The following CAPN5 variants were observed in gnomAD, a reference collection of about 807,000 sequenced individuals.
CAPN5 encodes calpain-5.
Under a neutral mutation model 73.0 loss-of-function variants are expected in CAPN5, and 54 were observed. The observed-to-expected ratio is 0.74, with a 90% CI of 0.59 to 0.93. CAPN5 has a LOEUF of 0.93. Among genes scored for constraint, CAPN5 ranks in the 40% least tolerant of loss-of-function variants. The pLI, the probability that CAPN5 is intolerant of heterozygous loss-of-function variation, is 0.00. For missense variants in CAPN5, 785 were observed against 882.9 expected, an observed-to-expected ratio of 0.89 and a Z score of 1.41; for synonymous variants, 335 against 356.9, an observed-to-expected ratio of 0.94 and a Z score of 0.69.
chr11:77,067,946 C>T (rs1328940709), intron 1 of CAPN5, among the ~76,000 whole-genome samples: 2 of 152,012 alleles, frequency 1.3e-5, no homozygotes, highest in African/African-American at 4.8e-5. Context: ...AGAATTTGAA[C>T]CCGGGTCCGC....
At chr11:77,122,292 T>C (rs4945146) in intron 11 of CAPN5, among the ~76,000 whole-genome samples, 56,685 of 152,046 alleles carry the variant, frequency 0.37, 11,491 homozygotes, top group African/African-American at 0.52. Flanking sequence ...GGCCTTTTTC[T>C]AGGCTGAGAA....
intron 3 of CAPN5, among the ~76,000 whole-genome samples, chr11:77,098,859 G>A (rs1950248468): frequency 7.1e-6 from 1 of 140,500 alleles, no homozygotes; most frequent in Admixed American, 6.9e-5. Flanking sequence ...CGGACGGGGT[G>A]GCTGCTGGGC....
In CAPN5 at chr11:77,115,410, G is replaced by C; in HGVS notation, c.715G>C (p.Asp239His). The change falls in exon 6 of 13, where the codon GAC becomes CAC. Residue 239 changes from aspartate to histidine, a missense_variant. By Grantham distance (81) the Asp-to-His change is moderately conservative (BLOSUM62 -1). Transcript: ENST00000648180. ...CCCTCCACAGGCAGTGACAGCAGCT[G>C]ACATGGAGGCCCGCCTGGCGTGCGG... ...SASIKAVTAA[D>H]MEARLACGLV... 6.2e-7 allele frequency: 1 copy of C among 1,603,926 alleles called. No individual in the cohort carries two copies. Among genetic ancestry groups the C allele is most frequent in the Non-Finnish European group, 8.5e-7 (1 of 1,172,740 alleles).
chr11:77,108,414 G>C (rs1306390070), intron 3 of CAPN5, among the ~76,000 whole-genome samples: 1 of 152,198 alleles, frequency 6.6e-6, no homozygotes, highest in Non-Finnish European at 1.5e-5. Context: ...CCACATGTGC[G>C]TGGGGGAGGT....
chr11:77,121,931 C>G lies in CAPN5; in HGVS notation c.1488-3C>G. 5.9e-6 allele frequency: 9 copies of G among 1,530,362 alleles called. No individual in the cohort carries two copies. Among genetic ancestry groups the G allele is most frequent in the Non-Finnish European group, 7.9e-6 (9 of 1,134,774 alleles). The allele number at this position is 1,530,362 out of a possible 1,614,324, so 94.8% of individuals were successfully genotyped here. Reference sequence around the variant, plus strand: ...TCCCCTCTCCCCTGCCGCCCCATATCAGGGAGCTGCGCCTGGATGAGCCCC... The same window carrying G: ...TCCCCTCTCCCCTGCCGCCCCATATGAGGGAGCTGCGCCTGGATGAGCCCC... On this transcript the variant is annotated splice_polypyrimidine_tract_variant and splice_region_variant and intron_variant, in intron 10 of 12. Transcript: ENST00000648180.
intron 4 of CAPN5, 168 bp downstream of exon 4, chr11:77,112,965 C>T: frequency 1.5e-6 from 1 of 667,440 alleles, no homozygotes; most frequent in South Asian, 1.8e-5. Flanking sequence ...TCAGCTGAGC[C>T]TGTGCTGGGT....
chr11:77,112,349 C>T (rs1455740116), intron 3 of CAPN5, among the ~76,000 whole-genome samples: 1 of 152,034 alleles, frequency 6.6e-6, no homozygotes, highest in Non-Finnish European at 1.5e-5. Flanking sequence ...AGCTCACACA[C>T]TCTGAGAACA....
At chr11:77,118,052 C>G in intron 7 of CAPN5, 105 bp from the exon 8 acceptor site, 84 of 1,019,034 alleles carry the variant, frequency 8.2e-5, no homozygotes, top group Non-Finnish European at 1.1e-4. Context: ...CAGCTGTGTT[C>G]TCTCACCTCT....
At chr11:77,097,094 C>G (rs113307279) in intron 3 of CAPN5, among the ~76,000 whole-genome samples, 1 of 152,132 alleles carries the variant, frequency 6.6e-6, no homozygotes, top group South Asian at 2.1e-4. Context: ...TGGTGGTGGG[C>G]GCCTGTAGTC....
chr11:77,115,323 C>T (rs1317279608), intron 5 of CAPN5, 72 bp from the exon 6 acceptor site: 3 of 1,317,308 alleles, frequency 2.3e-6, no homozygotes, highest in Non-Finnish European at 2.1e-6. Flanking sequence ...CCTCCTAGCC[C>T]TCCAGCACCT....
In CAPN5 at chr11:77,093,791, C is replaced by T. The variant is rs1397520233; in HGVS notation, c.275C>T (p.Ser92Phe). 5.0e-6 allele frequency: 8 copies of T among 1,611,188 alleles called. No homozygotes were observed. The highest frequency in any genetic ancestry group is 1.3e-5 in the African/African-American group (1 of 74,960). The change falls in exon 3 of 13, where the codon TCC becomes TTC. Residue 92 changes from serine (S) to phenylalanine (F), a missense_variant. Transcript: ENST00000648180. ...WFVAACSSLA[S>F]RESLWQKVIP... is the part of the protein sequence containing the mutation. ...GTGGCAGCCTGCTCGTCACTTGCCT[C>T]CCGGGAGTCGCTGTGGCAAAAGGTG...
intron 3 of CAPN5, among the ~76,000 whole-genome samples, chr11:77,096,333 G>C (rs1351268093): frequency 6.6e-6 from 1 of 152,214 alleles, no homozygotes; most frequent in Non-Finnish European, 1.5e-5. Context: ...TTCTGGCCGG[G>C]TCTCCTGCTA....
rs1341592454 is a variant in CAPN5 at position 77,122,669 on chromosome 11, G to T, written c.1697G>T (p.Gly566Val). The change falls in exon 12 of 13, where the codon GGC (glycine) becomes GTC (valine). Residue 566 changes from glycine to valine, a missense_variant. Transcript: ENST00000648180. Reference sequence around the variant, plus strand: ...TCCACACCAGAGTACAATGTGAAAGGCATCTTCTACCGCAAGAAGCTGAGC... The same window carrying T: ...TCCACACCAGAGTACAATGTGAAAGTCATCTTCTACCGCAAGAAGCTGAGC... ...GTSTPEYNVK[G>V]IFYRKKLSQP... is the part of the protein sequence containing the mutation. 15 of 1,613,822 alleles carry T rather than the reference G, an allele frequency of 9.3e-6. No individual in the cohort carries two copies. Among genetic ancestry groups the T allele is most frequent in the African/African-American group, 2.7e-5 (2 of 74,902 alleles).
intron 9 of CAPN5, chr11:77,119,440 G>C: frequency 2.5e-6 from 1 of 406,752 alleles, no homozygotes; most frequent in Non-Finnish European, 4.5e-6. Flanking sequence ...GATTACTGGT[G>C]GTTGGGGCCG....
At chr11:77,077,985 T>C (rs1287330957) in intron 1 of CAPN5, among the ~76,000 whole-genome samples, 1 of 152,230 alleles carries the variant, frequency 6.6e-6, no homozygotes, top group African/African-American at 2.4e-5. Flanking sequence ...AGATGGCTAG[T>C]TTGCAAACAT....
chr11:77,116,119 G>T (rs1240444349), intron 6 of CAPN5, 107 bp from the exon 7 acceptor site: 5 of 995,644 alleles, frequency 5.0e-6, no homozygotes, highest in African/African-American at 1.6e-5. Context: ...GCCGCTGGAG[G>T]CCTGGTGCAA....
chr11:77,122,619 C>A lies in CAPN5; in HGVS notation c.1647C>A (p.Val549=). The A allele has an allele frequency of 6.2e-7, 1 of 1,600,528 alleles. No individual in the cohort carries two copies. The highest frequency in any genetic ancestry group is 1.7e-4 in the Middle Eastern group (1 of 5,992). The part of the protein sequence containing the change: ...YVIIKCEGDK[V]RSAVQKGTST... ...TCATCAAGTGTGAGGGAGACAAAGTCCGCTCGGCTGTGCAGAAGGGCACCT... is the reference window on the plus strand; with the variant it reads ...TCATCAAGTGTGAGGGAGACAAAGTACGCTCGGCTGTGCAGAAGGGCACCT... Residue 549 remains valine (V), a synonymous_variant, in exon 12 of 13, where the codon GTC becomes GTA. Transcript: ENST00000648180.
Position 77,123,880 on chromosome 11 carries a change from A to G in CAPN5, c.*10A>G. ...CCTCATGGCTGTCTGACACCTGCCCACCTACCTGGCTCTGACCGTTCCCAC... is the reference window on the plus strand; with the variant it reads ...CCTCATGGCTGTCTGACACCTGCCCGCCTACCTGGCTCTGACCGTTCCCAC... On this transcript the variant is annotated 3_prime_UTR_variant, in exon 13 of 13. Transcript: ENST00000648180. The G allele has an allele frequency of 6.2e-7, 1 of 1,610,732 alleles. No individual in the cohort carries two copies. Among genetic ancestry groups the G allele is most frequent in the Non-Finnish European group, 8.5e-7 (1 of 1,178,810 alleles).
At chr11:77,118,379 T>G (rs564120194) in intron 8 of CAPN5, 27 bp downstream of exon 8, 1 of 1,533,786 alleles carries the variant, frequency 6.5e-7, no homozygotes, top group Non-Finnish European at 8.8e-7. Flanking sequence ...ACCCCCACCC[T>G]GCCCTGTAGC....
Sources: allele counts gnomAD v4.1 joint callset (sites outside exome capture counted in the v4.1 genomes callset), GRCh38; gene constraint gnomAD v4.1.1; transcripts MANE v1.5; gene names NCBI Gene and HGNC (gene_info 2026-07-23, HGNC 2026-07-21).